NAV2: variants seen among roughly 807,000 people sequenced by gnomAD.
NAV2 encodes neuron navigator 2, also known as helicase, APC down-regulated 1.
In NAV2, 54 loss-of-function variants were observed where a neutral mutation model predicts 223.2. The observed-to-expected ratio is 0.24, with a 90% CI of 0.19 to 0.30. The LOEUF (loss-of-function observed/expected upper bound fraction) is 0.30, where lower values mean the gene tolerates loss of function less well. NAV2 is among the 10% of genes least tolerant of loss of function. The probability of loss-of-function intolerance (pLI) is 1.00; values close to 1 mark genes in which losing one functional copy is unlikely to be tolerated. For synonymous variants in NAV2, 1,279 were observed against 1,239.3 expected (o/e 1.03, Z -0.67); for missense variants, 2,806 against 3,147.5 (o/e 0.89, Z 2.60).
At chr11:19,973,714 G>A (rs185593810) in intron 10 of NAV2, among the ~76,000 whole-genome samples, 9 of 152,318 alleles carry the variant, frequency 5.9e-5, no homozygotes, top group East Asian at 3.9e-4. Context: ...TGCAGAATAC[G>A]TTGAAGGATC....
chr11:20,111,126 T>C (rs1191236161), intron 36 of NAV2, among the ~76,000 whole-genome samples: 4 of 152,216 alleles, frequency 2.6e-5, no homozygotes, highest in Non-Finnish European at 4.4e-5. Flanking sequence ...GTGGAACTGC[T>C]TGGAGGACCT....
At chr11:19,778,479 C>T (rs1565300706) in intron 1 of NAV2, 1 of 293,924 alleles carries the variant, frequency 3.4e-6, no homozygotes, top group African/African-American at 2.3e-5. Context: ...GGTGTGAGGT[C>T]TTTAAAGATG....
chr11:19,831,223 CGG>C (rs56829857), intron 1 of NAV2, among the ~76,000 whole-genome samples: 39 of 864 alleles, frequency 0.045, no homozygotes, highest in Non-Finnish European at 0.048. Context: ...AGGAGTGTTG[CGG>C]GGGGGGGGGG....
At position 19,948,718 on chromosome 11, in the gene NAV2, T is replaced by A. The variant is rs2047141059; in HGVS notation, c.2283T>A (p.Asn761Lys). ...CATTGGAAACCACGTTTGACACCAA[T>A]GTCACCACGGAGATGAGTGGCCGTA... is the stretch of plus-strand genomic sequence containing the variant. Reference protein sequence around the residue: ...HSTLETTFDTNVTTEMSGRSI... With the variant: ...HSTLETTFDTKVTTEMSGRSI... The change falls in exon 10 of 38, where the codon AAT becomes AAA. Residue 761 changes from asparagine (N) to lysine (K), a missense_variant. Transcript: ENST00000349880. 6.3e-7 allele frequency: 1 copy of A among 1,591,992 alleles called. No homozygotes were observed.
At chr11:19,531,145 G>T (rs138431580) in intron 1 of NAV2, among the ~76,000 whole-genome samples, 1 of 152,214 alleles carries the variant, frequency 6.6e-6, no homozygotes, top group Non-Finnish European at 1.5e-5. Context: ...CTATGCTAGA[G>T]AGTAGGGATT....
At chr11:19,489,094 A>C (rs1017840921) in intron 1 of NAV2, among the ~76,000 whole-genome samples, 1 of 152,214 alleles carries the variant, frequency 6.6e-6, no homozygotes, top group African/African-American at 2.4e-5. Flanking sequence ...CTGTTTCTCC[A>C]TGGACAGAGA....
At chr11:19,598,041 T>C (rs1487209) in intron 1 of NAV2, among the ~76,000 whole-genome samples, 151,197 of 152,364 alleles carry the variant, frequency 0.99, 75,025 homozygotes, top group Middle Eastern at 1. Flanking sequence ...CATGCCCTTC[T>C]GCTGCCCTGG....
At chr11:19,777,835 A>G in intron 1 of NAV2, 1 of 455,278 alleles carries the variant, frequency 2.2e-6, no homozygotes, top group Admixed American at 2.3e-5. Flanking sequence ...ATTGTCTCCT[A>G]CGAGCATGTC....
intron 4 of NAV2, among the ~76,000 whole-genome samples, chr11:19,873,576 G>A (rs1166583293): frequency 6.6e-6 from 1 of 152,108 alleles, no homozygotes; most frequent in South Asian, 2.1e-4. Context: ...TTAGTCCTGG[G>A]TTTGCTGCCC....
chr11:19,377,863 C>A (rs112988928), intron 1 of NAV2, among the ~76,000 whole-genome samples: 5 of 152,064 alleles, frequency 3.3e-5, no homozygotes, highest in South Asian at 4.2e-4. Context: ...AACAGAGGGG[C>A]CTTTTTGTTG....
chr11:19,662,083 A>C (rs2048298773), intron 1 of NAV2, among the ~76,000 whole-genome samples: 1 of 152,208 alleles, frequency 6.6e-6, no homozygotes, highest in African/African-American at 2.4e-5. Flanking sequence ...CCACATGTCT[A>C]CTACCTCTGG....
chr11:20,107,334 C>T, intron 35 of NAV2: 1 of 182,238 alleles, frequency 5.5e-6, no homozygotes, highest in Non-Finnish European at 1.2e-5. Context: ...GATCCACCCG[C>T]CTCAGCCTCC....
chr11:20,044,657 C>T (rs150621896), intron 13 of NAV2, among the ~76,000 whole-genome samples: 9 of 152,158 alleles, frequency 5.9e-5, no homozygotes, highest in Admixed American at 2.0e-4. Context: ...TTAGGGACAG[C>T]GCTTTAATGG....
intron 10 of NAV2, chr11:19,981,366 G>A (rs1335953293): frequency 3.3e-5 from 5 of 152,182 alleles, no homozygotes; most frequent in Non-Finnish European, 7.3e-5. Flanking sequence ...AGCATTCTGT[G>A]TCTGGAATGC....
intron 1 of NAV2, among the ~76,000 whole-genome samples, chr11:19,395,594 C>T (rs184704224): frequency 1.0e-3 from 152 of 152,336 alleles, no homozygotes; most frequent in Non-Finnish European, 1.6e-3. Context: ...GACCTTCCCA[C>T]TACTGTCCTC....
intron 25 of NAV2, chr11:20,082,695 G>A (rs2060167088): frequency 7.9e-7 from 1 of 1,259,556 alleles, no homozygotes; most frequent in Non-Finnish European, 1.2e-6. Context: ...TGAGCATCCT[G>A]CTTTGTTGCT....
chr11:19,965,992 G>A (rs2896589), intron 10 of NAV2, among the ~76,000 whole-genome samples: 2 of 152,230 alleles, frequency 1.3e-5, no homozygotes, highest in African/African-American at 4.8e-5. Flanking sequence ...TCTCCACATG[G>A]CGTGGCTTCC....
intron 1 of NAV2, among the ~76,000 whole-genome samples, chr11:19,817,938 G>A (rs548936279): frequency 1.2e-4 from 19 of 152,096 alleles, no homozygotes; most frequent in African/African-American, 3.4e-4. Flanking sequence ...GGGAGAGTTC[G>A]GATCGTATTC....
chr11:19,721,776 G>A (rs539376162), intron 1 of NAV2, among the ~76,000 whole-genome samples: 1 of 152,292 alleles, frequency 6.6e-6, no homozygotes, highest in South Asian at 2.1e-4. Context: ...AATGGTATTG[G>A]GGTTATGTAA....
Sources: gnomAD v4.1 joint callset for allele counts (sites outside exome capture counted in the v4.1 genomes callset) on GRCh38, gnomAD v4.1.1 for gene constraint, MANE v1.5 for transcripts, NCBI Gene and HGNC (gene_info 2026-07-23, HGNC 2026-07-21) for gene names.